TAF5: variants seen among roughly 807,000 people sequenced by gnomAD.
TAF5 encodes TATA-box binding protein associated factor 5, also known as transcription initiation factor TFIID subunit 5.
In TAF5, 20 loss-of-function variants were observed where a neutral mutation model predicts 80.9. The ratio of observed to expected loss-of-function variants is 0.25; its 90% CI spans 0.17 to 0.36. The LOEUF is 0.36. TAF5 is among the 10% of genes least tolerant of loss of function. TAF5 has a pLI of 1.00. For missense variants in TAF5, 863 were observed against 1,029.4 expected (o/e 0.84, Z 2.21); for synonymous variants, 388 against 406.4 (o/e 0.95, Z 0.55).
chr10:103,368,055 G>A lies in TAF5; in HGVS notation c.66G>A (p.Thr22=), dbSNP rs2093349068. ...AVKLEPEGPP[T]LLPPQAGDGA... ...AGCTAGAGCCTGAGGGACCGCCAAC[G>A]CTGCTACCTCCGCAGGCGGGGGACG... Residue 22 remains threonine (T), a synonymous_variant, in exon 1 of 11, where the codon ACG becomes ACA. Transcript: ENST00000369839. 6 of 1,437,592 alleles carry A rather than the reference G, an allele frequency of 4.2e-6. No individual in the cohort carries two copies. Among genetic ancestry groups the A allele is most frequent in the Non-Finnish European group, 5.5e-6 (6 of 1,098,216 alleles). The allele number at this position is 1,437,592 out of a possible 1,614,324, so 89.1% of individuals were successfully genotyped here.
rs1022540103 is a variant in TAF5, at chr10:103,374,977, G to T, written c.797+1382G>T. ...TTCAAAAAAATGCAAAAATTAGCTG[G>T]GTGTGGTAGCTCACTCCTGTAATCC... On this transcript the variant is annotated intron_variant, in intron 2 of 10. Transcript: ENST00000369839. The surrounding 1 kb of genome is among the most constrained non-coding windows in gnomAD (Gnocchi z 4.3). 2.0e-4 allele frequency among the ~76,000 whole-genome samples: 31 copies of T among 152,120 alleles called. No homozygotes were observed. The highest frequency in any genetic ancestry group is 1.8e-3 in the Admixed American group (28 of 15,258).
chr10:103,368,514 A>T lies in TAF5; in HGVS notation c.525A>T (p.Ser175=). The change falls in exon 1 of 11, where the codon TCA becomes TCT. Residue 175 remains serine (S), a synonymous_variant. Coordinates refer to ENST00000369839, the MANE Select transcript of TAF5 (RefSeq NM_006951.5). The part of the protein sequence containing the change: ...GTGASGATVV[S]GSASGPAAPG... Reference sequence around the variant, plus strand: ...GCGCTTCGGGGGCCACGGTCGTCTCAGGTTCAGCCTCAGGTCCTGCGGCTC... The same window carrying T: ...GCGCTTCGGGGGCCACGGTCGTCTCTGGTTCAGCCTCAGGTCCTGCGGCTC... 2.6e-6 allele frequency: 4 copies of T among 1,561,536 alleles called. No individual in the cohort carries two copies. The highest frequency in any genetic ancestry group is 3.4e-6 in the Non-Finnish European group (4 of 1,163,262).
intron 6 of TAF5, 81 bp downstream of exon 6, chr10:103,381,922 T>C: frequency 1.3e-6 from 2 of 1,551,582 alleles, no homozygotes; most frequent in Admixed American, 3.7e-5. Context: ...CACAGGAGAT[T>C]GTGTTCTTTA....
At chr10:103,383,954 C>CTT (rs140392430) in intron 7 of TAF5, among the ~76,000 whole-genome samples, 15 of 148,676 alleles carry the variant, frequency 1.0e-4, no homozygotes, top group South Asian at 4.2e-4. Context: ...TAGTATTTCC[C>CTT]TTTTTTTTTT....
intron 2 of TAF5, among the ~76,000 whole-genome samples, chr10:103,375,595 G>A (rs117582193): frequency 0.011 from 1,618 of 152,260 alleles, 17 homozygotes; most frequent in Non-Finnish European, 0.018. Flanking sequence ...AATTGGAGTT[G>A]TGTGCAATAT....
chr10:103,369,344 G>GT (rs2093353699), intron 1 of TAF5, among the ~76,000 whole-genome samples: 1 of 10,164 alleles, frequency 9.8e-5, no homozygotes, highest in South Asian at 0.05. Context: ...GCTAAAAGTT[G>GT]AATTTTTTTT....
chr10:103,368,641 T>G, intron 1 of TAF5, 93 bp downstream of exon 1: 8 of 1,378,976 alleles, frequency 5.8e-6, no homozygotes, highest in Non-Finnish European at 7.5e-6. Flanking sequence ...TGCGGGCTTG[T>G]TTTGAATTTC....
chr10:103,373,703 A>G (rs1380803469), intron 2 of TAF5, 108 bp downstream of exon 2: 4 of 835,520 alleles, frequency 4.8e-6, no homozygotes, highest in Non-Finnish European at 7.3e-6. Context: ...GCAACTTAAA[A>G]AGTACGTTGT....
intron 9 of TAF5, 53 bp downstream of exon 9, chr10:103,387,405 T>C (rs1211456876): frequency 5.1e-6 from 8 of 1,558,440 alleles, no homozygotes; most frequent in Middle Eastern, 1.7e-4. Context: ...AAAATAAAAA[T>C]ATTTTTTAAA....
At position 103,373,382 on chromosome 10, in the gene TAF5, A is replaced by C; in HGVS notation, c.584A>C (p.Gln195Pro). The change falls in exon 2 of 11, where the codon CAG becomes CCG. Residue 195 changes from glutamine (Q) to proline (P), a missense_variant. Physicochemically the swap from Gln to Pro is moderately conservative, Grantham distance 76. Transcript: ENST00000369839. ...GKVGSVAVED[Q>P]PDVSAVLSAY... ...GTTGGAAGTGTTGCTGTGGAAGACC[A>C]GCCAGATGTCAGTGCCGTGTTGTCA... is the stretch of plus-strand genomic sequence containing the variant. 6.2e-7 allele frequency: 1 copy of C among 1,614,102 alleles called. No homozygotes were observed. The highest frequency in any genetic ancestry group is 8.5e-7 in the Non-Finnish European group (1 of 1,180,024).
At chr10:103,371,713 TA>T (rs1052569264) in intron 1 of TAF5, among the ~76,000 whole-genome samples, 1 of 152,196 alleles carries the variant, frequency 6.6e-6, no homozygotes, top group Admixed American at 6.5e-5. Context: ...GAGATGTATA[TA>T]ATGTGAAGGG....
Position 103,383,080 on chromosome 10 carries a change from T to G in TAF5, c.1535-158T>G, listed in dbSNP as rs547218156. 2.6e-5 allele frequency among the ~76,000 whole-genome samples: 4 copies of G among 152,346 alleles called. No homozygotes were observed. In the South Asian group the frequency reaches 8.3e-4, roughly 32 times the overall value. ...AACGTCATTTTCTTCTCTTACACGC[T>G]GAGATGATACTGCCTAATTTAGAGG... On this transcript the variant is annotated intron_variant, in intron 6 of 10. Coordinates refer to ENST00000369839, the MANE Select transcript of TAF5 (RefSeq NM_006951.5).
chr10:103,370,543 G>C (rs1014275200), intron 1 of TAF5, among the ~76,000 whole-genome samples: 14 of 151,922 alleles, frequency 9.2e-5, no homozygotes, highest in South Asian at 4.2e-4. Context: ...TAGCCAGGAT[G>C]GTCTCGATCT....
chr10:103,376,815 G>A (rs182261411), intron 2 of TAF5, among the ~76,000 whole-genome samples: 25 of 152,246 alleles, frequency 1.6e-4, no homozygotes, highest in Admixed American at 2.6e-4. Flanking sequence ...AAGCCAAGGC[G>A]GGCAGAATGC....
At chr10:103,379,318 G>A (rs1001819074) in intron 3 of TAF5, among the ~76,000 whole-genome samples, 6 of 152,142 alleles carry the variant, frequency 3.9e-5, no homozygotes, top group Non-Finnish European at 8.8e-5. Flanking sequence ...TTTTAATCAG[G>A]AAAACAATAT....
In TAF5 at chr10:103,368,465, C is replaced by G. The variant is rs1406364651; in HGVS notation, c.476C>G (p.Ala159Gly). The change falls in exon 1 of 11, where the codon GCG becomes GGG. Residue 159 changes from alanine (A) to glycine (G), a missense_variant. Ala to Gly is a moderately conservative substitution (Grantham distance 60, BLOSUM62 0). This residue lies in a region of TAF5 where 367 missense variants were observed against 335.5 expected (regional missense o/e 1.09). Coordinates refer to ENST00000369839, the MANE Select transcript of TAF5 (RefSeq NM_006951.5). Reference protein sequence around the residue: ...SRVTASAPGPAAPDPPGTGAS... With the variant: ...SRVTASAPGPGAPDPPGTGAS... ...GTGACCGCCTCGGCCCCTGGCCCTGCGGCCCCCGACCCTCCGGGCACTGGC... is the reference window on the plus strand; with the variant it reads ...GTGACCGCCTCGGCCCCTGGCCCTGGGGCCCCCGACCCTCCGGGCACTGGC... 5.1e-6 allele frequency: 8 copies of G among 1,582,798 alleles called. No homozygotes were observed. Among genetic ancestry groups the G allele is most frequent in the Non-Finnish European group, 6.8e-6 (8 of 1,173,614 alleles).
At chr10:103,376,055 T>G (rs1439753716) in intron 2 of TAF5, among the ~76,000 whole-genome samples, 1 of 122,838 alleles carries the variant, frequency 8.1e-6, no homozygotes, top group East Asian at 2.7e-4. Flanking sequence ...AAAGTCTATC[T>G]CAAAAAAAAA....
In TAF5 at chr10:103,381,850, G is replaced by C. The variant is rs769619159; in HGVS notation, c.1534+9G>C. 3 of 1,614,054 alleles carry C rather than the reference G, an allele frequency of 1.9e-6. No individual in the cohort carries two copies. In the African/African-American group the frequency reaches 4.0e-5, roughly 22 times the overall value. Reference sequence around the variant, plus strand: ...TGTCAAACAAGCATCAGGTAACTGAGATGACCTTTTGGAATGTGAACTTGC... The same window carrying C: ...TGTCAAACAAGCATCAGGTAACTGACATGACCTTTTGGAATGTGAACTTGC... On this transcript the variant is annotated intron_variant, in intron 6 of 10. Transcript: ENST00000369839.
At chr10:103,387,955 G>T (rs768913011) in intron 10 of TAF5, 51 bp from the exon 11 acceptor site, 1 of 1,535,206 alleles carries the variant, frequency 6.5e-7, no homozygotes, top group Non-Finnish European at 9.0e-7. Context: ...CAAAATGTCC[G>T]AATGTAAATA....
Sources: gnomAD v4.1 joint callset for allele counts (sites outside exome capture counted in the v4.1 genomes callset) on GRCh38, gnomAD v4.1.1 for gene constraint, gnomAD v4.1.1 regional missense constraint, Gnocchi (gnomAD v3.1) non-coding constraint, MANE v1.5 for transcripts, NCBI Gene and HGNC (gene_info 2026-07-23, HGNC 2026-07-21) for gene names.